Variants in C13orf46 observed in about 807,000 individuals in gnomAD.
The protein encoded by C13orf46 is uncharacterized protein C13orf46.
At chr13:113,965,569 ATGATGATGATTATAATGGTGG>A (rs1294996556) in intron 5 of C13orf46, among the ~76,000 whole-genome samples, 132 of 148,944 alleles carry the variant, frequency 8.9e-4, no homozygotes, top group Admixed American at 3.7e-3. Flanking sequence ...GACGATGGTG[ATGATGATGATTATAATGGTGG>A]TGATGATGAC....
downstream of C13orf46, among the ~76,000 whole-genome samples, chr13:113,952,905 C>T (rs2052494973): frequency 6.6e-6 from 1 of 152,254 alleles, no homozygotes; most frequent in Admixed American, 6.5e-5. Context: ...GAGGCAGCCC[C>T]CGGCCTCAGC....
rs2052503161 is a variant in C13orf46 at position 113,954,303 on chromosome 13, A to C, written c.*2470T>G. 2 of 152,338 alleles carry C rather than the reference A, an allele frequency of 1.3e-5. No individual in the cohort carries two copies. The highest frequency in any genetic ancestry group is 6.5e-5 in the Admixed American group (1 of 15,290). 9.4% of individuals were successfully genotyped at this position (152,338 alleles called of 1,614,324 possible). On this transcript the variant is annotated 3_prime_UTR_variant, in exon 7 of 7. Transcript: ENST00000636427. ...GTCACCTGCCCGTGCCCTCCTGTGC[A>C]CATGTGTGGTATGTACGAGCATGTA...
chr13:113,934,441 G>C, the C13orf46 span, among the ~76,000 whole-genome samples: 1 of 152,216 alleles, frequency 6.6e-6, no homozygotes, highest in Admixed American at 6.5e-5. Flanking sequence ...GCATGGGCAA[G>C]GGTGTGGGGC....
chr13:113,945,553 GAA>G, the C13orf46 span, among the ~76,000 whole-genome samples: 6 of 91,098 alleles, frequency 6.6e-5, no homozygotes, highest in Non-Finnish European at 1.5e-4. Context: ...AAGAAAGAAA[GAA>G]AGAAAGAAAG....
chr13:113,951,369 G>GCCTTTGCTTGTA (rs1269731171), downstream of C13orf46, among the ~76,000 whole-genome samples: 2 of 152,226 alleles, frequency 1.3e-5, no homozygotes, highest in African/African-American at 2.4e-5. Context: ...GCCGGGCGGG[G>GCCTTTGCTTGTA]CCTTTGCTTG....
intron 6 of C13orf46, among the ~76,000 whole-genome samples, chr13:113,957,089 G>C (rs1594242622): frequency 2.7e-5 from 4 of 150,356 alleles, no homozygotes. Flanking sequence ...AAGCACACTG[G>C]GGGGGTCTCC....
At chr13:113,953,372 C>A (rs918959244), downstream of C13orf46, among the ~76,000 whole-genome samples, 20 of 152,306 alleles carry the variant, frequency 1.3e-4, 1 homozygote, top group South Asian at 3.9e-3. Flanking sequence ...AACTTTACCC[C>A]CCGTGGCAAC....
At chr13:113,934,587 G>A in the C13orf46 span, among the ~76,000 whole-genome samples, 1 of 152,370 alleles carries the variant, frequency 6.6e-6, no homozygotes, top group Non-Finnish European at 1.5e-5. Context: ...GAAAGATTGT[G>A]TGTGCTGTGG....
chr13:113,967,090 G>A (rs1037796586), intron 5 of C13orf46, among the ~76,000 whole-genome samples: 2 of 152,182 alleles, frequency 1.3e-5, no homozygotes, highest in Non-Finnish European at 2.9e-5. Flanking sequence ...GTTAACCCAG[G>A]CCCCAGAGTC....
chr13:113,930,203 C>T, the C13orf46 span, among the ~76,000 whole-genome samples: 1 of 152,210 alleles, frequency 6.6e-6, no homozygotes, highest in African/African-American at 2.4e-5. Context: ...ATCTGCACGG[C>T]GCAGTCCAGA....
the C13orf46 span, among the ~76,000 whole-genome samples, chr13:113,947,807 T>C: frequency 6.6e-6 from 1 of 151,984 alleles, no homozygotes; most frequent in Non-Finnish European, 1.5e-5. Context: ...CCGTGACACT[T>C]CCCCCCAGAC....
the C13orf46 span, among the ~76,000 whole-genome samples, chr13:113,942,467 C>T: frequency 1.3e-5 from 2 of 152,148 alleles, no homozygotes; most frequent in Non-Finnish European, 2.9e-5. Context: ...GGAAGGACGG[C>T]GATTTGACCA....
At chr13:113,966,229 T>C in intron 5 of C13orf46, among the ~76,000 whole-genome samples, 1 of 150,964 alleles carries the variant, frequency 6.6e-6, no homozygotes, top group African/African-American at 2.4e-5. Context: ...GTGGTGATGA[T>C]GGGGATAGCG....
chr13:113,933,906 T>C, the C13orf46 span, among the ~76,000 whole-genome samples: 1 of 152,148 alleles, frequency 6.6e-6, no homozygotes, highest in Non-Finnish European at 1.5e-5. Flanking sequence ...ACGGAGCTCA[T>C]TTGGACATCC....
At chr13:113,961,049 G>A (rs1337078663) in intron 6 of C13orf46, among the ~76,000 whole-genome samples, 2 of 152,172 alleles carry the variant, frequency 1.3e-5, no homozygotes, top group Non-Finnish European at 2.9e-5. Context: ...TAATCACTCT[G>A]GTTAAATGAG....
the C13orf46 span, among the ~76,000 whole-genome samples, chr13:113,942,234 G>A: frequency 1.1e-4 from 17 of 152,182 alleles, no homozygotes; most frequent in Admixed American, 2.6e-4. Context: ...GCCACTGGCC[G>A]GGTCAACACG....
the C13orf46 span, among the ~76,000 whole-genome samples, chr13:113,943,598 G>T: frequency 0.02 from 3,021 of 152,278 alleles, 102 homozygotes; most frequent in African/African-American, 0.067. Context: ...TGGAAAGGTA[G>T]AACGAGGCAT....
chr13:113,927,905 C>T, the C13orf46 span: 1 of 312,186 alleles, frequency 3.2e-6, no homozygotes, highest in Non-Finnish European at 5.8e-6. Flanking sequence ...GTGCATGTGG[C>T]CCCAGGCGAC....
chr13:113,934,059 G>T, the C13orf46 span, among the ~76,000 whole-genome samples: 1 of 152,092 alleles, frequency 6.6e-6, no homozygotes, highest in African/African-American at 2.4e-5. Flanking sequence ...GGTGTGCCCC[G>T]CGGGGCCCTT....
Sources: allele counts gnomAD v4.1 joint callset (sites outside exome capture counted in the v4.1 genomes callset), GRCh38; gene constraint gnomAD v4.1.1; transcripts MANE v1.5; gene names NCBI Gene and HGNC (gene_info 2026-07-23, HGNC 2026-07-21).